Variants in ADGRG5 observed in about 807,000 individuals in gnomAD.
The protein encoded by ADGRG5 is adhesion G protein-coupled receptor G5.
Under a neutral mutation model 53.2 loss-of-function variants are expected in ADGRG5, and 37 were observed. The observed-to-expected ratio is 0.70, with a 90% CI of 0.53 to 0.91. The LOEUF (loss-of-function observed/expected upper bound fraction) is 0.91, where lower values mean the gene tolerates loss of function less well. Among genes scored for constraint, ADGRG5 ranks in the 40% least tolerant of loss-of-function variants. ADGRG5 has a pLI of 0.00. For synonymous variants in ADGRG5, 277 were observed against 290.4 expected (o/e 0.95, Z 0.47); for missense variants, 614 against 675.8 (o/e 0.91, Z 1.01).
At chr16:57,529,507 G>A in the ADGRG5 span, among the ~76,000 whole-genome samples, 1 of 152,170 alleles carries the variant, frequency 6.6e-6, no homozygotes, top group Non-Finnish European at 1.5e-5. This position sits in a 1 kb window ranked among gnomAD's most constrained non-coding sequence, Gnocchi z 4.1. Flanking sequence ...CAGTGGCCTC[G>A]ACTCCCTGCT....
At chr16:57,554,857 T>C (rs2032846363) in intron 1 of ADGRG5, among the ~76,000 whole-genome samples, 1 of 152,218 alleles carries the variant, frequency 6.6e-6, no homozygotes. Flanking sequence ...ATAAATATTA[T>C]GTTGTGTTTT....
chr16:57,547,197 G>T (rs959216881), intron 1 of ADGRG5, among the ~76,000 whole-genome samples: 11 of 152,008 alleles, frequency 7.2e-5, no homozygotes, highest in Non-Finnish European at 1.2e-4. Flanking sequence ...TTGTCATGAA[G>T]GTAATATGTT....
chr16:57,541,232 A>G (rs2032484510), upstream of ADGRG5, among the ~76,000 whole-genome samples: 2 of 152,306 alleles, frequency 1.3e-5, no homozygotes, highest in East Asian at 1.9e-4. Flanking sequence ...TAGAGGGGCT[A>G]TGGGGTAGGC....
chr16:57,566,569 C>T (rs773886850), intron 6 of ADGRG5, 30 bp from the exon 7 acceptor site: 2 of 1,467,178 alleles, frequency 1.4e-6, no homozygotes, highest in Non-Finnish European at 1.8e-6. Context: ...TTCCTCTGCA[C>T]CCTATGACTG....
At chr16:57,543,471 C>T (rs531816767) in intron 1 of ADGRG5, among the ~76,000 whole-genome samples, 34 of 152,020 alleles carry the variant, frequency 2.2e-4, no homozygotes, top group Non-Finnish European at 4.4e-4. Context: ...TTAGTAGAGG[C>T]GGGATTTCGC....
chr16:57,568,305 C>T (rs371853626), intron 9 of ADGRG5, among the ~76,000 whole-genome samples, 181 bp downstream of exon 9: 2 of 152,020 alleles, frequency 1.3e-5, no homozygotes, highest in Non-Finnish European at 2.9e-5. Flanking sequence ...CCTCTTCCAC[C>T]TCCATCATCA....
At chr16:57,555,722 T>G (rs144332669) in intron 1 of ADGRG5, among the ~76,000 whole-genome samples, 1 of 152,342 alleles carries the variant, frequency 6.6e-6, no homozygotes, top group East Asian at 1.9e-4. Flanking sequence ...GTAAAATTCC[T>G]TATCCTGAAG....
the ADGRG5 span, chr16:57,536,449 G>C: frequency 1.3e-5 from 2 of 152,366 alleles, no homozygotes; most frequent in East Asian, 3.9e-4. Flanking sequence ...CCTGGAGCAA[G>C]TTCCCGGGCC....
chr16:57,560,730 T>TC (rs2032980096), intron 1 of ADGRG5, among the ~76,000 whole-genome samples: 1 of 152,206 alleles, frequency 6.6e-6, no homozygotes, highest in Non-Finnish European at 1.5e-5. Flanking sequence ...AGGGGAGATC[T>TC]GGGGACTGAG....
At chr16:57,558,322 A>G (rs1034099191) in intron 1 of ADGRG5, among the ~76,000 whole-genome samples, 5 of 152,144 alleles carry the variant, frequency 3.3e-5, no homozygotes, top group Non-Finnish European at 1.5e-5. Flanking sequence ...CAGGCTCCAA[A>G]TTTCTCCAGT....
the ADGRG5 span, among the ~76,000 whole-genome samples, chr16:57,534,542 G>A: frequency 2.0e-5 from 3 of 152,070 alleles, no homozygotes; most frequent in African/African-American, 7.2e-5. Flanking sequence ...TAACCTCTCT[G>A]CACAGAGTAT....
intron 1 of ADGRG5, among the ~76,000 whole-genome samples, chr16:57,554,389 T>C (rs2032826204): frequency 6.6e-6 from 1 of 151,946 alleles, no homozygotes; most frequent in South Asian, 2.1e-4. Flanking sequence ...TTTTTTTTCT[T>C]TTTTCGAGAC....
chr16:57,540,396 C>T (rs1019896340), upstream of ADGRG5, among the ~76,000 whole-genome samples: 2 of 152,208 alleles, frequency 1.3e-5, no homozygotes, highest in Admixed American at 6.5e-5. Context: ...CACCTACAAT[C>T]TTCTTGCAGG....
chr16:57,557,304 G>A (rs543586419), intron 1 of ADGRG5, among the ~76,000 whole-genome samples: 2 of 152,288 alleles, frequency 1.3e-5, no homozygotes, highest in South Asian at 2.1e-4. Flanking sequence ...ATCTGGTTTT[G>A]ATAGTTTCTG....
rs538625723 is a variant in ADGRG5 at position 57,569,507 on chromosome 16, C to T, written c.1091-911C>T. Among the ~76,000 whole-genome samples the T allele has an allele frequency of 8.6e-5, 13 of 151,894 alleles. No homozygotes were observed. The East Asian group carries it at 1.6e-3, about 18-fold the overall frequency. The stretch of plus-strand genomic sequence containing the variant: ...ACCACCATCATCACCTCCTCCACCT[C>T]CATCATCACCATCACTTCCTCCATC... On this transcript the variant is annotated intron_variant, in intron 9 of 11. Transcript: ENST00000349457.
intron 1 of ADGRG5, among the ~76,000 whole-genome samples, chr16:57,556,658 T>C (rs1213994261): frequency 6.6e-6 from 1 of 152,200 alleles, no homozygotes; most frequent in Non-Finnish European, 1.5e-5. Context: ...ACAGACACTG[T>C]GATCCCCACA....
At chr16:57,537,076 CGCTTGT>C in the ADGRG5 span, among the ~76,000 whole-genome samples, 1 of 152,186 alleles carries the variant, frequency 6.6e-6, no homozygotes, top group Admixed American at 6.5e-5. Context: ...AGCAACCTTG[CGCTTGT>C]TAAGAGGTGG....
Position 57,574,864 on chromosome 16 carries a change from G to A in ADGRG5, c.1258G>A (p.Gly420Ser), listed in dbSNP as rs375753134. 78 of 1,610,516 alleles carry A rather than the reference G, an allele frequency of 4.8e-5. No homozygotes were observed. In the South Asian group the frequency reaches 5.7e-4, roughly 12 times the overall value. ...VVHSVLVMGY[G>S]GLTSLFNLVV... ...GCACAGTGTCCTGGTCATGGGCTAC[G>A]GCGGCCTCACGTCCCTCTTCAACCT... The change falls in exon 11 of 12, where the codon GGC becomes AGC. Residue 420 changes from glycine to serine, a missense_variant. Coordinates refer to ENST00000349457, the MANE Select transcript of ADGRG5 (RefSeq NM_001304376.3). This position sits in a 1 kb window ranked among gnomAD's most constrained non-coding sequence, Gnocchi z 4.4.
intron 1 of ADGRG5, among the ~76,000 whole-genome samples, chr16:57,560,751 T>C (rs1011115983): frequency 5.9e-5 from 9 of 152,194 alleles, no homozygotes; most frequent in African/African-American, 2.2e-4. Context: ...TTGGGCATTT[T>C]AAAGACTCAC....
Sources: allele counts gnomAD v4.1 joint callset (sites outside exome capture counted in the v4.1 genomes callset), GRCh38; gene constraint gnomAD v4.1.1; non-coding constraint Gnocchi (gnomAD v3.1); transcripts MANE v1.5; gene names NCBI Gene and HGNC (gene_info 2026-07-23, HGNC 2026-07-21).